CDH11: variants seen among roughly 807,000 people sequenced by gnomAD.
CDH11 encodes cadherin-11.
Under a neutral mutation model 67.8 loss-of-function variants are expected in CDH11, and 11 were observed. That is an observed-to-expected ratio of 0.16 (90% CI 0.10 to 0.27). The LOEUF is 0.27. Among genes scored for constraint, CDH11 ranks in the 10% least tolerant of loss-of-function variants. CDH11 has a pLI of 1.00. For missense variants in CDH11, 847 were observed against 1,031.2 expected (o/e 0.82, Z 2.45); for synonymous variants, 419 against 400.0 (o/e 1.05, Z -0.57).
chr16:65,081,260 C>T (rs1272059770), intron 1 of CDH11, among the ~76,000 whole-genome samples: 1 of 152,104 alleles, frequency 6.6e-6, no homozygotes, highest in Non-Finnish European at 1.5e-5. Flanking sequence ...CAATGACCTG[C>T]ACAGGGAAGG....
Position 64,982,185 on chromosome 16 carries a change from G to T in CDH11, c.1116C>A (p.Ile372=), listed in dbSNP as rs202106531. 7 of 1,613,902 alleles carry T rather than the reference G, an allele frequency of 4.3e-6. No homozygotes were observed. Among genetic ancestry groups the T allele is most frequent in the Non-Finnish European group, 5.9e-6 (7 of 1,179,952 alleles). Reference sequence around the variant, plus strand: ...GGGGCTCATCAGCATCTTCTACTGAGATCTTGACGGTCACAGTGTCCTTGA... The same window carrying T: ...GGGGCTCATCAGCATCTTCTACTGATATCTTGACGGTCACAGTGTCCTTGA... ...GPFKDTVTVK[I]SVEDADEPPM... The change falls in exon 8 of 13, where the codon ATC becomes ATA. Residue 372 remains isoleucine, a synonymous_variant. Transcript: ENST00000268603.
chr16:64,999,194 T>A (rs192912487), intron 3 of CDH11, among the ~76,000 whole-genome samples: 174 of 152,346 alleles, frequency 1.1e-3, no homozygotes, highest in African/African-American at 4.0e-3. Flanking sequence ...TGTTTATTTT[T>A]AAAAATATAT....
chr16:64,962,890 T>C (rs1196471701), intron 11 of CDH11, among the ~76,000 whole-genome samples: 2 of 152,164 alleles, frequency 1.3e-5, no homozygotes, highest in South Asian at 2.1e-4. Flanking sequence ...GGAGCACTTG[T>C]GAAGTTTACA....
chr16:65,006,403 C>A (rs1168213608), intron 2 of CDH11, among the ~76,000 whole-genome samples: 2 of 152,186 alleles, frequency 1.3e-5, no homozygotes, highest in Non-Finnish European at 2.9e-5. Context: ...AAGGAAACAG[C>A]ATGAATCTTG....
In CDH11 at chr16:64,950,988, C is replaced by A; in HGVS notation, c.1673G>T (p.Gly558Val). The A allele has an allele frequency of 6.2e-7, 1 of 1,614,038 alleles. No homozygotes were observed. The highest frequency in any genetic ancestry group is 8.5e-7 in the Non-Finnish European group (1 of 1,180,022). ...GTCCTGCTTCTGCCGACTGAACCCT[C>A]CACGCCGGGCGTACACGCCTGCTGT... ...DNTAGVYARR[G>V]GFSRQKQDLY... The change falls in exon 12 of 13, where the codon GGA (glycine) becomes GTA (valine). Residue 558 changes from glycine (G) to valine (V), a missense_variant. Gly to Val is a moderately radical substitution (Grantham distance 109). Around this residue, in one of 2 missense-constraint regions of CDH11, gnomAD observed 612 missense variants for 678.7 expected, o/e 0.90. Coordinates refer to ENST00000268603, the MANE Select transcript of CDH11 (RefSeq NM_001797.4).
At chr16:65,040,646 T>A (rs1050819008) in intron 2 of CDH11, among the ~76,000 whole-genome samples, 22 of 152,170 alleles carry the variant, frequency 1.4e-4, no homozygotes. Context: ...ACATGGCACA[T>A]GTATACATAT....
chr16:65,014,155 T>C (rs999535124), intron 2 of CDH11, among the ~76,000 whole-genome samples: 1 of 152,212 alleles, frequency 6.6e-6, no homozygotes, highest in African/African-American at 2.4e-5. Context: ...AGGAGTCCAC[T>C]GTCTATTAAG....
chr16:64,966,119 A>T (rs1390100151), intron 11 of CDH11, among the ~76,000 whole-genome samples: 1 of 152,136 alleles, frequency 6.6e-6, no homozygotes, highest in East Asian at 1.9e-4. Context: ...AATATTATTT[A>T]AAAATTACTT....
chr16:65,108,614 C>G (rs1473328332), intron 1 of CDH11, among the ~76,000 whole-genome samples: 2 of 152,034 alleles, frequency 1.3e-5, no homozygotes, highest in Admixed American at 1.3e-4. Context: ...ATAAATGAAG[C>G]ACTTCACCCT....
chr16:64,982,357 G>A, intron 7 of CDH11, 56 bp from the exon 8 acceptor site: 2 of 1,354,916 alleles, frequency 1.5e-6, no homozygotes, highest in Admixed American at 1.9e-5. Flanking sequence ...TAATGGAAGA[G>A]AAAGACCCGA....
At chr16:65,085,439 A>T (rs577955304) in intron 1 of CDH11, among the ~76,000 whole-genome samples, 1 of 152,336 alleles carries the variant, frequency 6.6e-6, no homozygotes, top group Non-Finnish European at 1.5e-5. Flanking sequence ...ATCACTGGGA[A>T]TATTAGCCAA....
chr16:64,959,826 C>T (rs915187166), intron 11 of CDH11, among the ~76,000 whole-genome samples: 5 of 152,108 alleles, frequency 3.3e-5, no homozygotes, highest in African/African-American at 9.7e-5. Flanking sequence ...GTTTGTGCTG[C>T]TCATAAAAAA....
intron 2 of CDH11, among the ~76,000 whole-genome samples, chr16:65,032,324 CAAAAAA>C (rs35617108): frequency 9.1e-6 from 1 of 109,392 alleles, no homozygotes; most frequent in African/African-American, 3.2e-5. Flanking sequence ...CTGTCTCTCC[CAAAAAA>C]AAAAAAAAAA....
chr16:65,109,800 A>G (rs1194657585), intron 1 of CDH11, among the ~76,000 whole-genome samples: 1 of 152,168 alleles, frequency 6.6e-6, no homozygotes, highest in Non-Finnish European at 1.5e-5. Flanking sequence ...TCATCCACTG[A>G]GCTATATTAC....
At chr16:65,108,663 T>C (rs1318698697) in intron 1 of CDH11, among the ~76,000 whole-genome samples, 2 of 146,968 alleles carry the variant, frequency 1.4e-5, no homozygotes, top group Non-Finnish European at 1.5e-5. Context: ...GTAGTTTTGC[T>C]GCTGCTATCA....
Position 65,004,927 on chromosome 16 carries a change from CG to C in CDH11, c.-59del. 6.9e-7 allele frequency: 1 copy of C among 1,453,910 alleles called. No homozygotes were observed. Among genetic ancestry groups the C allele is most frequent in the Non-Finnish European group, 9.1e-7 (1 of 1,098,272 alleles). 90.1% of individuals were successfully genotyped at this position (1,453,910 alleles called of 1,614,324 possible). ...GCTGTCACCCCTTCCACCAACTGTACGGTGGTCTTGCTGAGGGTGGCCTCCC... is the reference window on the plus strand; with the variant it reads ...GCTGTCACCCCTTCCACCAACTGTACGTGGTCTTGCTGAGGGTGGCCTCCC... On this transcript the variant is annotated 5_prime_UTR_variant, in exon 3 of 13. Transcript: ENST00000268603.
chr16:65,104,226 T>G (rs1269370171), intron 1 of CDH11, among the ~76,000 whole-genome samples: 1 of 152,162 alleles, frequency 6.6e-6, no homozygotes, highest in Non-Finnish European at 1.5e-5. Context: ...AGAGGAAAGA[T>G]TCTCTTCCTT....
intron 1 of CDH11, among the ~76,000 whole-genome samples, chr16:65,069,515 C>A (rs2074378387): frequency 6.6e-6 from 1 of 152,222 alleles, no homozygotes; most frequent in East Asian, 1.9e-4. Context: ...CCTGAGCTGG[C>A]CACATCTAAA....
At chr16:65,115,725 A>AAC (rs1440878350) in intron 1 of CDH11, among the ~76,000 whole-genome samples, 1 of 134,332 alleles carries the variant, frequency 7.4e-6, no homozygotes, top group East Asian at 2.3e-4. Context: ...AAAAAAACAA[A>AAC]AAAACAAAAC....
Sources: allele counts gnomAD v4.1 joint callset (sites outside exome capture counted in the v4.1 genomes callset), GRCh38; gene constraint gnomAD v4.1.1; regional missense constraint gnomAD v4.1.1; transcripts MANE v1.5; gene names NCBI Gene and HGNC (gene_info 2026-07-23, HGNC 2026-07-21).